TET3: variants seen among roughly 807,000 people sequenced by gnomAD.
TET3 encodes tet methylcytosine dioxygenase 3.
A neutral mutation model predicts 141.4 loss-of-function variants in TET3; 19 were observed. The ratio of observed to expected loss-of-function variants is 0.13; its 90% CI spans 0.09 to 0.20. The LOEUF (loss-of-function observed/expected upper bound fraction) is 0.20, where lower values mean the gene tolerates loss of function less well. Ranked by LOEUF, TET3 falls within the 10% of genes least tolerant of loss-of-function variation. The pLI is 1.00. For synonymous variants in TET3, 1,043 were observed against 980.9 expected, an observed-to-expected ratio of 1.06 and a Z score of -1.18; for missense variants, 1,874 against 2,356.9, an observed-to-expected ratio of 0.80 and a Z score of 4.24.
chr2:74,046,634 C>A lies in TET3; in HGVS notation c.717C>A (p.Pro239=), dbSNP rs1231646362. ...AGGCTGGGAACAACAGCAGGGGACC[C>A]CGGCCAGGGCCTGAGGGCTGCTCTG... ...SREAGNNSRG[P]RPGPEGCSAG... is the part of the protein sequence containing the mutation. The change falls in exon 4 of 12, where the codon CCC becomes CCA. Residue 239 remains proline, a synonymous_variant. Transcript: ENST00000409262. This position sits in a 1 kb window ranked among gnomAD's most constrained non-coding sequence, Gnocchi z 4.3. The A allele has an allele frequency of 6.2e-7, 1 of 1,614,070 alleles. No homozygotes were observed. The highest frequency in any genetic ancestry group is 1.7e-5 in the Admixed American group (1 of 60,034).
At position 74,106,336 on chromosome 2, in the gene TET3, G is replaced by C. The variant is rs913374263; in HGVS notation, c.*4160G>C. ...TGAAAGAAAGGGCGAAGGGTTTTTT[G>C]AGTTTTTGTTTTTGAGGAAGGGGAG... On this transcript the variant is annotated 3_prime_UTR_variant, in exon 12 of 12. Coordinates refer to ENST00000409262, the MANE Select transcript of TET3 (RefSeq NM_001287491.2). The C allele has an allele frequency of 2.0e-5, 3 of 152,794 alleles. No homozygotes were observed. The highest frequency in any genetic ancestry group is 7.2e-5 in the African/African-American group (3 of 41,430). 9.5% of individuals were successfully genotyped at this position (152,794 alleles called of 1,614,324 possible).
intron 3 of TET3, among the ~76,000 whole-genome samples, chr2:74,024,986 G>A (rs1470065007): frequency 2.0e-5 from 3 of 152,020 alleles, no homozygotes; most frequent in Non-Finnish European, 2.9e-5. Flanking sequence ...CACTTTGGGA[G>A]GCCGAGGCGG....
chr2:74,031,294 A>C (rs936144096), intron 3 of TET3, among the ~76,000 whole-genome samples: 1 of 152,098 alleles, frequency 6.6e-6, no homozygotes, highest in Non-Finnish European at 1.5e-5. Context: ...CAGGGTGGGC[A>C]GGTGAGTGGG....
intron 3 of TET3, among the ~76,000 whole-genome samples, chr2:74,004,455 G>A (rs1443965611): frequency 6.6e-6 from 1 of 152,182 alleles, no homozygotes; most frequent in Non-Finnish European, 1.5e-5. Flanking sequence ...GGACTTCTAG[G>A]TGAGGCTGCA....
intron 3 of TET3, among the ~76,000 whole-genome samples, chr2:74,045,649 C>T (rs950581514): frequency 2.0e-5 from 3 of 152,156 alleles, no homozygotes; most frequent in South Asian, 2.1e-4. Flanking sequence ...AGATCATCGG[C>T]GTTTCCCTCA....
chr2:74,001,730 C>G (rs1180151468), intron 2 of TET3, among the ~76,000 whole-genome samples: 2 of 152,254 alleles, frequency 1.3e-5, no homozygotes, highest in African/African-American at 4.8e-5. Flanking sequence ...CTCATCCTGC[C>G]CTCCTTTCAG....
chr2:74,087,706 T>C lies in TET3; in HGVS notation c.2680-124T>C. 2 of 860,616 alleles carry C rather than the reference T, an allele frequency of 2.3e-6. No individual in the cohort carries two copies. The highest frequency in any genetic ancestry group is 3.4e-6 in the Non-Finnish European group (2 of 581,962). 53.3% of individuals were successfully genotyped at this position (860,616 alleles called of 1,614,324 possible). A position where few individuals can be genotyped will look rare whatever the true frequency, so the allele number is the denominator to read the frequency against. On this transcript the variant is annotated intron_variant, in intron 6 of 11. Transcript: ENST00000409262. This position sits in a 1 kb window ranked among gnomAD's most constrained non-coding sequence, Gnocchi z 4.3. ...TTGTAAGGTTGCTGTCTTCAGGGCA[T>C]GACATCCCTAGAACCCTGCCGTTAA...
At chr2:74,119,941 G>A in the TET3 span, among the ~76,000 whole-genome samples, 1 of 152,086 alleles carries the variant, frequency 6.6e-6, no homozygotes, top group African/African-American at 2.4e-5. Context: ...TTCAACCAAC[G>A]GCAGCCCCTT....
intron 3 of TET3, among the ~76,000 whole-genome samples, chr2:74,042,919 T>G (rs1391618395): frequency 1.3e-5 from 2 of 152,240 alleles, no homozygotes; most frequent in Non-Finnish European, 2.9e-5. Flanking sequence ...CATCTACTTT[T>G]CCCTTTCTCC....
Position 74,048,245 on chromosome 2 carries a change from G to C in TET3, c.2328G>C (p.Glu776Asp), listed in dbSNP as rs1687755566. ...TCTCAACCACCTGCTTCCATTCAGA[G>C]GAGGGAGGACAGGAGGCCACACCCA... ...TVLSTTCFHS[E>D]EGGQEATPTK... Residue 776 changes from glutamate (E) to aspartate (D), a missense_variant, in exon 4 of 12, where the codon GAG becomes GAC. By Grantham distance (45) the Glu-to-Asp change is conservative. Around this residue, in one of 10 missense-constraint regions of TET3, gnomAD observed 83 missense variants for 107.0 expected, o/e 0.78. Coordinates refer to ENST00000409262, the MANE Select transcript of TET3 (RefSeq NM_001287491.2). The C allele has an allele frequency of 1.2e-6, 2 of 1,613,686 alleles. No individual in the cohort carries two copies. The highest frequency in any genetic ancestry group is 2.7e-5 in the African/African-American group (2 of 74,904).
chr2:74,052,241 A>G (rs1053956420), intron 4 of TET3, among the ~76,000 whole-genome samples: 4 of 152,104 alleles, frequency 2.6e-5, no homozygotes, highest in Non-Finnish European at 5.9e-5. Flanking sequence ...CAGCCTCCCA[A>G]AGTGCTAGGA....
chr2:74,025,078 G>T (rs1302867559), intron 3 of TET3, among the ~76,000 whole-genome samples: 1 of 151,444 alleles, frequency 6.6e-6, no homozygotes, highest in African/African-American at 2.4e-5. Context: ...AAAAAAGTTA[G>T]CCGGGCGTGG....
chr2:74,080,645 A>ACAGCCG, intron 6 of TET3, 54 bp downstream of exon 6: 1 of 1,362,916 alleles, frequency 7.3e-7, no homozygotes, highest in Non-Finnish European at 9.8e-7. Context: ...CCCTTGCTGC[A>ACAGCCG]TGGCCACGGC....
At chr2:74,096,467 G>A (rs912825814) in intron 10 of TET3, among the ~76,000 whole-genome samples, 3 of 152,230 alleles carry the variant, frequency 2.0e-5, no homozygotes, top group Admixed American at 1.3e-4. Context: ...TTATCCTTGA[G>A]TTAAGAAAAG....
At position 74,102,386 on chromosome 2, in the gene TET3, A is replaced by C. The variant is rs1302932225; in HGVS notation, c.*210A>C. The C allele has an allele frequency of 1.6e-6, 1 of 640,164 alleles. No individual in the cohort carries two copies. The highest frequency in any genetic ancestry group is 2.2e-6 in the Non-Finnish European group (1 of 454,428). The allele number at this position is 640,164 out of a possible 1,614,324, so 39.7% of individuals were successfully genotyped here. On this transcript the variant is annotated 3_prime_UTR_variant, in exon 12 of 12. Transcript: ENST00000409262. ...TTACCCCCACTTCCCCAGCACTTTG[A>C]AGAAGAAACTACGGCTGTCGGGTGA...
chr2:74,116,249 A>G, the TET3 span, among the ~76,000 whole-genome samples: 1 of 152,160 alleles, frequency 6.6e-6, no homozygotes, highest in Non-Finnish European at 1.5e-5. Flanking sequence ...CTCTTATACA[A>G]TGTTGGTGGG....
chr2:74,078,167 C>T (rs1689615662), intron 5 of TET3, among the ~76,000 whole-genome samples: 1 of 151,966 alleles, frequency 6.6e-6, no homozygotes, highest in Non-Finnish European at 1.5e-5. Context: ...TGTTTGTGGC[C>T]TGACAAGAGC....
intron 3 of TET3, among the ~76,000 whole-genome samples, chr2:74,045,764 A>T (rs1687581664): frequency 6.6e-6 from 1 of 152,230 alleles, no homozygotes; most frequent in Admixed American, 6.5e-5. Flanking sequence ...ATGGGTCCCC[A>T]CTAGGAAGCC....
chr2:74,064,840 A>G (rs1170700689), intron 4 of TET3, among the ~76,000 whole-genome samples: 3 of 152,244 alleles, frequency 2.0e-5, no homozygotes, highest in Admixed American at 2.0e-4. Flanking sequence ...CATAAAATAT[A>G]TGTAGATACT....
Sources: gnomAD v4.1 joint callset for allele counts (sites outside exome capture counted in the v4.1 genomes callset) on GRCh38, gnomAD v4.1.1 for gene constraint, gnomAD v4.1.1 regional missense constraint, Gnocchi (gnomAD v3.1) non-coding constraint, MANE v1.5 for transcripts, NCBI Gene and HGNC (gene_info 2026-07-23, HGNC 2026-07-21) for gene names.